Variants in SCNN1B observed in about 807,000 individuals in gnomAD.
The protein encoded by SCNN1B is sodium channel epithelial 1 subunit beta.
In SCNN1B, 46 loss-of-function variants were observed where a neutral mutation model predicts 65.3. That is an observed-to-expected ratio of 0.70 (90% confidence interval 0.56 to 0.90). SCNN1B has a LOEUF of 0.90. SCNN1B is among the 40% of genes least tolerant of loss of function. SCNN1B has a pLI of 0.00. For missense variants in SCNN1B, 751 were observed against 830.5 expected (o/e 0.90, Z 1.18); for synonymous variants, 349 against 330.6 (o/e 1.06, Z -0.60).
chr16:23,326,389 G>A (rs1470913107), intron 1 of SCNN1B, among the ~76,000 whole-genome samples: 1 of 151,658 alleles, frequency 6.6e-6, no homozygotes, highest in Non-Finnish European at 1.5e-5. Flanking sequence ...TAAACGTTCT[G>A]GTTAATGCCA....
At chr16:23,282,054 C>T (rs1180554962) in intron 1 of SCNN1B, among the ~76,000 whole-genome samples, 1 of 151,884 alleles carries the variant, frequency 6.6e-6, no homozygotes, top group East Asian at 1.9e-4. Flanking sequence ...ATTAGCCTGG[C>T]ATGGAGACTC....
At chr16:23,298,331 T>G (rs1961026075), upstream of SCNN1B, among the ~76,000 whole-genome samples, 2 of 152,172 alleles carry the variant, frequency 1.3e-5, no homozygotes, top group Admixed American at 6.5e-5. Context: ...AGAAAATGCC[T>G]TATTGAGGCA....
At chr16:23,286,040 A>G (rs1960846091) in intron 2 of SCNN1B, among the ~76,000 whole-genome samples, 1 of 106,932 alleles carries the variant, frequency 9.4e-6, no homozygotes, top group Non-Finnish European at 1.6e-5. Flanking sequence ...ATTCATAATG[A>G]TATTTTAAAA....
chr16:23,304,077 G>A lies in SCNN1B; in HGVS notation c.-9+1640G>A, dbSNP rs879116392. On this transcript the variant is annotated intron_variant, in intron 1 of 12. Transcript: ENST00000343070. ...CGCCGTGGATAATGCCTACCGATGG[G>A]AATTTAGGTGACAAAAATTTTCAGG... The A allele has an allele frequency of 3.9e-6, 6 of 1,535,832 alleles. No individual in the cohort carries two copies. The South Asian group carries it at 7.1e-5, about 18-fold the overall frequency.
intron 3 of SCNN1B, 40 bp downstream of exon 3, chr16:23,353,114 C>T (rs770386371): frequency 1.2e-6 from 2 of 1,607,004 alleles, no homozygotes; most frequent in Admixed American, 3.3e-5. Context: ...ATGGGCCCCA[C>T]CCAGTGAGGC....
upstream of SCNN1B, among the ~76,000 whole-genome samples, chr16:23,298,299 GAGCCAGCT>G (rs1156630154): frequency 2.0e-5 from 3 of 152,178 alleles, no homozygotes; most frequent in African/African-American, 7.2e-5. Context: ...AGGAATTCAA[GAGCCAGCT>G]AGCTGGTGGT....
chr16:23,303,001 G>A (rs72652282), intron 1 of SCNN1B, among the ~76,000 whole-genome samples: 1 of 152,124 alleles, frequency 6.6e-6, no homozygotes, highest in Admixed American at 6.5e-5. Context: ...AGCCTACCTC[G>A]TGGGCTGTCA....
intron 5 of SCNN1B, among the ~76,000 whole-genome samples, chr16:23,369,536 G>A (rs1169934569): frequency 6.6e-6 from 1 of 152,146 alleles, no homozygotes; most frequent in Non-Finnish European, 1.5e-5. Flanking sequence ...ACTCAGGCTG[G>A]CTGTGGTTTT....
At chr16:23,301,643 T>C (rs1410720713), upstream of SCNN1B, among the ~76,000 whole-genome samples, 1 of 151,970 alleles carries the variant, frequency 6.6e-6, no homozygotes, top group Non-Finnish European at 1.5e-5. Context: ...TTCGAGGAAA[T>C]GCGCAAGGCC....
chr16:23,377,191 A>T lies in SCNN1B; in HGVS notation c.1297A>T (p.Ser433Cys). 6.2e-7 allele frequency: 1 copy of T among 1,614,196 alleles called. No homozygotes were observed. Among genetic ancestry groups the T allele is most frequent in the Non-Finnish European group, 8.5e-7 (1 of 1,180,014 alleles). Residue 433 changes from serine (S) to cysteine (C), a missense_variant, in exon 9 of 13, where the codon AGC becomes TGC. By Grantham distance (112) the Ser-to-Cys change is moderately radical (BLOSUM62 -1). Coordinates refer to ENST00000343070, the MANE Select transcript of SCNN1B (RefSeq NM_000336.3). ...CCATTGCTACTCAGATCTACAGATG[A>T]GCGTGGCGCAGAGAGAGACCTGCAT... ...WAHCYSDLQM[S>C]VAQRETCIGM... is the part of the protein sequence containing the mutation.
chr16:23,309,622 G>C (rs1961297757), intron 1 of SCNN1B, among the ~76,000 whole-genome samples: 1 of 152,208 alleles, frequency 6.6e-6, no homozygotes, highest in South Asian at 2.1e-4. Flanking sequence ...AGCCTAGGAG[G>C]CTAGGCCAGT....
intron 1 of SCNN1B, chr16:23,323,484 G>A (rs1183335628): frequency 2.9e-6 from 2 of 701,528 alleles, no homozygotes; most frequent in East Asian, 2.7e-5. Flanking sequence ...TGTGCTAGGT[G>A]CTTCATATTT....
intron 2 of SCNN1B, among the ~76,000 whole-genome samples, chr16:23,290,696 TA>T (rs200204536): frequency 3.3e-5 from 5 of 152,048 alleles, no homozygotes; most frequent in Non-Finnish European, 5.9e-5. Context: ...TAATTTTAAT[TA>T]AAAAAAATTA....
chr16:23,319,916 C>T lies in SCNN1B; in HGVS notation c.-9+17479C>T, dbSNP rs375602819. Among the ~76,000 whole-genome samples, 45 of 152,214 alleles carry T rather than the reference C, an allele frequency of 3.0e-4. No individual in the cohort carries two copies. In the East Asian group the frequency reaches 6.0e-3, roughly 20 times the overall value. ...CTGAGTAGCTGAGATAACAGGTGCA[C>T]GCCACCACGTCCGACTAATTTTTGT... is the stretch of plus-strand genomic sequence containing the variant. On this transcript the variant is annotated intron_variant, in intron 1 of 12. Coordinates refer to ENST00000343070, the MANE Select transcript of SCNN1B (RefSeq NM_000336.3).
intron 4 of SCNN1B, among the ~76,000 whole-genome samples, chr16:23,365,611 A>AAGAGAGAGAGAG (rs1483991687): frequency 8.8e-5 from 6 of 68,160 alleles, no homozygotes; most frequent in South Asian, 6.3e-4. Flanking sequence ...GAAAGAAAGA[A>AAGAGAGAGAGAG]AGAAAGAAAA....
chr16:23,356,259 A>G (rs152744), intron 4 of SCNN1B, among the ~76,000 whole-genome samples: 80,762 of 152,110 alleles, frequency 0.53, 25,236 homozygotes, highest in African/African-American at 0.86. Context: ...CTCTGAAGCA[A>G]GAACAATAAT....
At chr16:23,366,216 T>C (rs1596878094) in intron 4 of SCNN1B, among the ~76,000 whole-genome samples, 1 of 86,240 alleles carries the variant, frequency 1.2e-5, no homozygotes, top group African/African-American at 4.8e-5. Flanking sequence ...ATTATTATTG[T>C]TTTTTTGATA....
intron 1 of SCNN1B, among the ~76,000 whole-genome samples, chr16:23,283,570 C>A (rs1251804251): frequency 6.6e-6 from 1 of 152,144 alleles, no homozygotes; most frequent in East Asian, 1.9e-4. Flanking sequence ...GGTACAATTT[C>A]TACTGAATAT....
At chr16:23,378,528 C>G (rs1962961430) in intron 10 of SCNN1B, among the ~76,000 whole-genome samples, 178 bp from the exon 11 acceptor site, 1 of 152,132 alleles carries the variant, frequency 6.6e-6, no homozygotes. Flanking sequence ...CCTTCCTCCC[C>G]TAGAACAGCA....
Sources: allele counts gnomAD v4.1 joint callset (sites outside exome capture counted in the v4.1 genomes callset), GRCh38; gene constraint gnomAD v4.1.1; transcripts MANE v1.5; gene names NCBI Gene and HGNC (gene_info 2026-07-23, HGNC 2026-07-21).